Variants in SNX5 observed in about 807,000 individuals in gnomAD.
The protein encoded by SNX5 is sorting nexin-5.
SNX5 carries 31 observed loss-of-function variants against 53.9 expected under a neutral mutation model. That is an observed-to-expected ratio of 0.58 (90% CI 0.43 to 0.78). The LOEUF is 0.78. Ranked by LOEUF, SNX5 falls within the 30% of genes least tolerant of loss-of-function variation. The pLI, the probability that SNX5 is intolerant of heterozygous loss-of-function variation, is 0.00. For missense variants in SNX5, 471 were observed against 478.8 expected (o/e 0.98, Z 0.15); for synonymous variants, 168 against 171.1 (o/e 0.98, Z 0.14).
intron 1 of SNX5, among the ~76,000 whole-genome samples, chr20:17,966,255 A>G (rs548013677): frequency 1.2e-4 from 18 of 152,046 alleles, no homozygotes; most frequent in Non-Finnish European, 2.5e-4. Context: ...CATGGCGGTG[A>G]GCGACTGTAA....
At chr20:17,961,802 AAT>A (rs1224128580) in intron 1 of SNX5, 4 of 985,324 alleles carry the variant, frequency 4.1e-6, no homozygotes, top group South Asian at 4.7e-5. Flanking sequence ...CAAGAGGGCC[AAT>A]ATGACAAATC....
intron 8 of SNX5, 73 bp downstream of exon 8, chr20:17,950,059 A>G: frequency 7.6e-7 from 1 of 1,323,928 alleles, no homozygotes; most frequent in East Asian, 2.3e-5. Context: ...GTCACTACTC[A>G]TTTATGCTTT....
chr20:17,961,030 G>A, intron 1 of SNX5: 1 of 589,626 alleles, frequency 1.7e-6, no homozygotes, highest in Non-Finnish European at 2.1e-6. Flanking sequence ...GCTTCATTTG[G>A]AAAGCACATT....
chr20:17,965,013 A>T (rs997670359), intron 1 of SNX5, among the ~76,000 whole-genome samples: 7 of 152,334 alleles, frequency 4.6e-5, no homozygotes, highest in Admixed American at 2.0e-4. Flanking sequence ...TATTCTCACA[A>T]AGATATCCAA....
chr20:17,948,751 T>A (rs1464251382), intron 10 of SNX5, 139 bp downstream of exon 10: 2 of 678,690 alleles, frequency 2.9e-6, no homozygotes, highest in African/African-American at 3.6e-5. Flanking sequence ...ACAAGCTTTA[T>A]GGATACAATG....
At chr20:17,958,916 C>T (rs956485712) in intron 1 of SNX5, among the ~76,000 whole-genome samples, 2 of 152,160 alleles carry the variant, frequency 1.3e-5, no homozygotes, top group African/African-American at 4.8e-5. Flanking sequence ...CAGGCAGGCC[C>T]AAGAACAGGA....
intron 8 of SNX5, among the ~76,000 whole-genome samples, chr20:17,949,750 T>C (rs2039537764): frequency 6.6e-6 from 1 of 152,140 alleles, no homozygotes; most frequent in African/African-American, 2.4e-5. Context: ...CAGGATCTCC[T>C]GAGGCTGCAT....
intron 11 of SNX5, chr20:17,943,590 C>G (rs1181837112): frequency 6.0e-6 from 1 of 166,070 alleles, no homozygotes; most frequent in African/African-American, 2.4e-5. Context: ...GAAGACATAC[C>G]AGGTTCATGC....
At chr20:17,956,509 A>AC (rs2035357918) in intron 2 of SNX5, among the ~76,000 whole-genome samples, 1 of 151,980 alleles carries the variant, frequency 6.6e-6, no homozygotes, top group South Asian at 2.1e-4. Flanking sequence ...CACGTGCATC[A>AC]CCTGAGGTCA....
chr20:17,957,601 A>G (rs2035383624), intron 1 of SNX5, among the ~76,000 whole-genome samples: 1 of 152,238 alleles, frequency 6.6e-6, no homozygotes, highest in South Asian at 2.1e-4. Context: ...TGTACAATAC[A>G]TTTGGCCAAA....
At chr20:17,968,085 G>A (rs778396364) in intron 1 of SNX5, 3 of 398,762 alleles carry the variant, frequency 7.5e-6, no homozygotes, top group Non-Finnish European at 1.3e-5. Context: ...GAACATTCCG[G>A]GGTCTCCAGA....
At chr20:17,956,114 C>G (rs1038616562) in intron 2 of SNX5, among the ~76,000 whole-genome samples, 12 of 151,996 alleles carry the variant, frequency 7.9e-5, no homozygotes, top group African/African-American at 2.9e-4. Context: ...TTACCCCCCA[C>G]CCCCAACTTA....
In SNX5 at chr20:17,942,596, C is replaced by G. The variant is rs2039432500; in HGVS notation, c.1165-189G>C. 3 of 609,152 alleles carry G rather than the reference C, an allele frequency of 4.9e-6. No individual in the cohort carries two copies. The East Asian group carries it at 8.5e-5, about 17-fold the overall frequency. 37.7% of individuals were successfully genotyped at this position (609,152 alleles called of 1,614,324 possible). Reference sequence around the variant, plus strand: ...GCATCCCCATTTCATGTTTCAGCTCCTCTCCCTCAGTGGGTAAGGCTACCA... The same window carrying G: ...GCATCCCCATTTCATGTTTCAGCTCGTCTCCCTCAGTGGGTAAGGCTACCA... On this transcript the variant is annotated intron_variant, in intron 12 of 12. Coordinates refer to ENST00000377759, the MANE Select transcript of SNX5 (RefSeq NM_014426.4).
intron 10 of SNX5, among the ~76,000 whole-genome samples, 161 bp downstream of exon 10, chr20:17,948,729 G>C (rs2039521864): frequency 6.6e-6 from 1 of 152,164 alleles, no homozygotes. Flanking sequence ...CCCATACAGT[G>C]CTGTCAGATA....
At chr20:17,961,094 C>T (rs6080917) in intron 1 of SNX5, 657,997 of 978,746 alleles carry the variant, frequency 0.67, 221,810 homozygotes, top group African/African-American at 0.79. Context: ...AAGGCACTTC[C>T]CTAAAAGGAG....
chr20:17,950,346 G>A lies in SNX5; in HGVS notation c.660C>T (p.Tyr220=), dbSNP rs764524638. The change falls in exon 7 of 13, where the codon TAC becomes TAT. Residue 220 remains tyrosine (Y), a synonymous_variant. Transcript: ENST00000377759. Reference sequence around the variant, plus strand: ...TCACACAAGAATCTTTGATCCTATTGTAATAGTTAATAAGGAAGTTCTTCT... The same window carrying A: ...TCACACAAGAATCTTTGATCCTATTATAATAGTTAATAAGGAAGTTCTTCT... ...EQEKNFLINY[Y]NRIKDSCVKA... The A allele has an allele frequency of 2.3e-5, 37 of 1,613,362 alleles. No homozygotes were observed. The East Asian group carries it at 7.8e-4, about 34-fold the overall frequency.
At chr20:17,961,432 A>T in intron 1 of SNX5, 1 of 985,450 alleles carries the variant, frequency 1.0e-6, no homozygotes, top group Non-Finnish European at 1.2e-6. Flanking sequence ...TCAGTGCCAA[A>T]ATGAAAAAGA....
Position 17,957,167 on chromosome 20 carries a change from G to T in SNX5, c.52-130C>A. 1.8e-5 allele frequency: 12 copies of T among 653,768 alleles called. 1 individual carries two copies. The South Asian group carries it at 2.1e-4, about 11-fold the overall frequency. 40.5% of individuals were successfully genotyped at this position (653,768 alleles called of 1,614,324 possible). On this transcript the variant is annotated intron_variant, in intron 1 of 12. Coordinates refer to ENST00000377759, the MANE Select transcript of SNX5 (RefSeq NM_014426.4). ...AAATGTCAGTTGAGCTGGGCGCGGC[G>T]GCTCACCCCTGTAATCCCAGCACTT...
chr20:17,942,752 T>C (rs1431551604), intron 12 of SNX5: 1 of 364,102 alleles, frequency 2.7e-6, no homozygotes, highest in African/African-American at 2.1e-5. Flanking sequence ...TTGGAAAGAT[T>C]GAATAAAAGT....
Sources: allele counts gnomAD v4.1 joint callset (sites outside exome capture counted in the v4.1 genomes callset), GRCh38; gene constraint gnomAD v4.1.1; transcripts MANE v1.5; gene names NCBI Gene and HGNC (gene_info 2026-07-23, HGNC 2026-07-21).